TRPC4: variants seen among roughly 807,000 people sequenced by gnomAD.
TRPC4 encodes short transient receptor potential channel 4.
A neutral mutation model predicts 99.4 loss-of-function variants in TRPC4; 49 were observed. That is an observed-to-expected ratio of 0.49 (90% CI 0.39 to 0.63). The LOEUF (loss-of-function observed/expected upper bound fraction) is 0.63, where lower values mean the gene tolerates loss of function less well. Among genes scored for constraint, TRPC4 ranks in the 20% least tolerant of loss-of-function variants. TRPC4 has a pLI of 0.00. For missense variants in TRPC4, 898 were observed against 1,152.9 expected (o/e 0.78, Z 3.20); for synonymous variants, 454 against 425.9 (o/e 1.07, Z -0.81).
chr13:37,655,877 T>C (rs1952213770), intron 6 of TRPC4, among the ~76,000 whole-genome samples: 1 of 152,104 alleles, frequency 6.6e-6, no homozygotes, highest in South Asian at 2.1e-4. Context: ...TAATAAATGA[T>C]AGATCCCAAA....
At position 37,639,241 on chromosome 13, in the gene TRPC4, G is replaced by A. The variant is rs1429563541; in HGVS notation, c.2121+17C>T. 1 of 1,613,402 alleles carries A rather than the reference G, an allele frequency of 6.2e-7. No individual in the cohort carries two copies. The highest frequency in any genetic ancestry group is 8.5e-7 in the Non-Finnish European group (1 of 1,179,630). On this transcript the variant is annotated intron_variant, in intron 9 of 10. Coordinates refer to ENST00000379705, the MANE Select transcript of TRPC4 (RefSeq NM_016179.4). ...ATTTTAGTGAAAATTTCAAGACATA[G>A]TACAAGGACAACTTACTTGGTATTG...
At chr13:37,647,356 A>G (rs1951884242) in intron 8 of TRPC4, among the ~76,000 whole-genome samples, 1 of 152,210 alleles carries the variant, frequency 6.6e-6, no homozygotes, top group African/African-American at 2.4e-5. Flanking sequence ...AAAGATAAGC[A>G]AGTTGAGGAT....
At chr13:37,728,828 C>G (rs2139071908) in intron 3 of TRPC4, among the ~76,000 whole-genome samples, 1 of 152,096 alleles carries the variant, frequency 6.6e-6, no homozygotes, top group East Asian at 1.9e-4. Context: ...CAAAAAAAAC[C>G]AGACATAATC....
At chr13:37,691,906 C>T (rs1953726124) in intron 4 of TRPC4, 93 bp downstream of exon 4, 1 of 1,229,670 alleles carries the variant, frequency 8.1e-7, no homozygotes, top group Non-Finnish European at 1.1e-6. Context: ...TCTAAACATT[C>T]CTAGGTCCCA....
intron 2 of TRPC4, among the ~76,000 whole-genome samples, chr13:37,750,216 C>G (rs1242153922): frequency 6.6e-6 from 1 of 152,044 alleles, no homozygotes; most frequent in Non-Finnish European, 1.5e-5. Flanking sequence ...TATTTCATTT[C>G]ATTGTTAATG....
intron 5 of TRPC4, among the ~76,000 whole-genome samples, chr13:37,666,126 A>C (rs534995336): frequency 2.8e-4 from 43 of 152,260 alleles, no homozygotes; most frequent in African/African-American, 1.0e-3. Context: ...TTGTGCTTAC[A>C]CTCTCAGAAT....
At chr13:37,806,512 C>T (rs1327954349) in intron 1 of TRPC4, among the ~76,000 whole-genome samples, 1 of 151,978 alleles carries the variant, frequency 6.6e-6, no homozygotes. Flanking sequence ...CTCACCAAAC[C>T]CTTATCGATA....
chr13:37,785,193 T>C (rs568804438), intron 1 of TRPC4, among the ~76,000 whole-genome samples: 3 of 152,190 alleles, frequency 2.0e-5, no homozygotes, highest in African/African-American at 7.2e-5. Context: ...ATCTATGTCA[T>C]TGTAGTTATC....
chr13:37,810,580 T>C (rs1476783926), intron 1 of TRPC4, among the ~76,000 whole-genome samples: 1 of 152,096 alleles, frequency 6.6e-6, no homozygotes, highest in Non-Finnish European at 1.5e-5. Flanking sequence ...ATATATATGT[T>C]GCTCCATAAG....
chr13:37,759,009 T>C (rs1204112012), intron 2 of TRPC4, among the ~76,000 whole-genome samples: 3 of 151,670 alleles, frequency 2.0e-5, no homozygotes, highest in Admixed American at 1.3e-4. Context: ...GTTATATTAA[T>C]TGATATGAAG....
intron 8 of TRPC4, among the ~76,000 whole-genome samples, chr13:37,639,594 A>C (rs967585691): frequency 1.3e-5 from 2 of 152,048 alleles, no homozygotes; most frequent in African/African-American, 4.8e-5. Context: ...TATGCACTCA[A>C]CATTGACGGA....
chr13:37,720,796 AT>A (rs1411988564), intron 3 of TRPC4, among the ~76,000 whole-genome samples: 1 of 152,090 alleles, frequency 6.6e-6, no homozygotes, highest in Non-Finnish European at 1.5e-5. Context: ...AATATACTTC[AT>A]TTTCAATTCT....
rs1246296335 is a variant in TRPC4, at chr13:37,639,167, A to T, written c.2122-38T>A. ...AGAACAAGAGTATTGATACTCAATG[A>T]GTAAATAAATTTCCTCCTGAGTCAG... On this transcript the variant is annotated intron_variant, in intron 9 of 10. Coordinates refer to ENST00000379705, the MANE Select transcript of TRPC4 (RefSeq NM_016179.4). 4 of 1,612,822 alleles carry T rather than the reference A, an allele frequency of 2.5e-6. No individual in the cohort carries two copies. The South Asian group carries it at 4.4e-5, about 18-fold the overall frequency.
At chr13:37,642,459 G>A (rs1464439499) in intron 8 of TRPC4, among the ~76,000 whole-genome samples, 2 of 152,116 alleles carry the variant, frequency 1.3e-5, no homozygotes, top group Non-Finnish European at 1.5e-5. Context: ...ACAGAGCAGA[G>A]TCTCCAGGCC....
At chr13:37,719,454 C>CT (rs1385972909) in intron 3 of TRPC4, among the ~76,000 whole-genome samples, 2 of 151,842 alleles carry the variant, frequency 1.3e-5, no homozygotes, top group African/African-American at 2.4e-5. Context: ...AAAGAGGATT[C>CT]TTCTGGTTTA....
intron 4 of TRPC4, among the ~76,000 whole-genome samples, chr13:37,675,717 G>A (rs978587178): frequency 6.6e-6 from 1 of 152,138 alleles, no homozygotes; most frequent in Non-Finnish European, 1.5e-5. Flanking sequence ...TACATAAGCT[G>A]CCATGTTTGC....
chr13:37,722,872 C>T (rs957779707), intron 3 of TRPC4, among the ~76,000 whole-genome samples: 1 of 151,586 alleles, frequency 6.6e-6, no homozygotes, highest in Admixed American at 6.6e-5. Flanking sequence ...GAATCTCACA[C>T]TGAGGGAGTA....
rs561957629 is a variant in TRPC4 at position 37,816,875 on chromosome 13, G to A, written c.-27-33515C>T. On this transcript the variant is annotated intron_variant, in intron 1 of 10. Transcript: ENST00000379705. ...ACTAGATATTGAAGGAAAATACCTC[G>A]AAATTAAAGAGCCATCTCTGACAAA... Among the ~76,000 whole-genome samples, 20 of 151,620 alleles carry A rather than the reference G, an allele frequency of 1.3e-4. No homozygotes were observed. In the East Asian group the frequency reaches 1.9e-3, roughly 15 times the overall value.
At chr13:37,844,233 G>A (rs9548076) in intron 1 of TRPC4, among the ~76,000 whole-genome samples, 31,449 of 152,056 alleles carry the variant, frequency 0.21, 3,356 homozygotes, top group African/African-American at 0.25. Context: ...TGTCAAACCA[G>A]AGAGACTAGC....
Sources: allele counts gnomAD v4.1 joint callset (sites outside exome capture counted in the v4.1 genomes callset), GRCh38; gene constraint gnomAD v4.1.1; transcripts MANE v1.5; gene names NCBI Gene and HGNC (gene_info 2026-07-23, HGNC 2026-07-21).